DOC2A: variants seen among roughly 807,000 people sequenced by gnomAD.
The protein encoded by DOC2A is double C2 domain alpha.
DOC2A carries 28 observed loss-of-function variants against 40.6 expected under a neutral mutation model. The observed-to-expected ratio is 0.69, with a 90% CI of 0.51 to 0.95. The LOEUF is 0.95. DOC2A is among the 40% of genes least tolerant of loss of function. The pLI, the probability that DOC2A is intolerant of heterozygous loss-of-function variation, is 0.00. For missense variants in DOC2A, 474 were observed against 552.5 expected, an observed-to-expected ratio of 0.86 and a Z score of 1.42; for synonymous variants, 241 against 236.9, an observed-to-expected ratio of 1.02 and a Z score of -0.16.
Position 30,006,552 on chromosome 16 carries a change from GCCC to G in DOC2A, c.960+41_960+43del. Reference sequence around the variant, plus strand: ...CACCCGTTCGTGAGCCAGCTCCCCAGCCCCTCCCTGGCCTCCCTCCATGTCCCG... The same window carrying G: ...CACCCGTTCGTGAGCCAGCTCCCCAGCTCCCTGGCCTCCCTCCATGTCCCG... On this transcript the variant is annotated intron_variant, in intron 9 of 10. Coordinates refer to ENST00000350119, the MANE Select transcript of DOC2A (RefSeq NM_003586.3). The surrounding 1 kb of genome is among the most constrained non-coding windows in gnomAD (Gnocchi z 6.2). The G allele has an allele frequency of 6.2e-7, 1 of 1,613,202 alleles. No homozygotes were observed. The highest frequency in any genetic ancestry group is 8.5e-7 in the Non-Finnish European group (1 of 1,179,344).
upstream of DOC2A, among the ~76,000 whole-genome samples, chr16:30,015,723 C>T (rs2070847874): frequency 8.4e-6 from 1 of 118,650 alleles, no homozygotes; most frequent in Non-Finnish European, 1.7e-5. Flanking sequence ...TTTTTTGAGA[C>T]AGGGTCTCAC....
In DOC2A at chr16:30,006,767, G is replaced by A. The variant is rs1323196548; in HGVS notation, c.878+18C>T. The A allele has an allele frequency of 4.3e-6, 7 of 1,613,706 alleles. No individual in the cohort carries two copies. Among genetic ancestry groups the A allele is most frequent in the Non-Finnish European group, 5.1e-6 (6 of 1,179,996 alleles). On this transcript the variant is annotated intron_variant, in intron 8 of 10. Transcript: ENST00000350119. The surrounding 1 kb of genome is among the most constrained non-coding windows in gnomAD (Gnocchi z 6.2). ...GGGCAGGCTCCCTGGGGAGGAGAGG[G>A]TCAGAGCAAGGGCTCACGTCTTGAC...
chr16:30,006,655 T>C lies in DOC2A; in HGVS notation c.901A>G (p.Lys301Glu). 6.2e-7 allele frequency: 1 copy of C among 1,613,668 alleles called. No homozygotes were observed. Among genetic ancestry groups the C allele is most frequent in the Non-Finnish European group, 8.5e-7 (1 of 1,179,906 alleles). Residue 301 changes from lysine (K) to glutamate (E), a missense_variant, in exon 9 of 11, where the codon AAG becomes GAG. Coordinates refer to ENST00000350119, the MANE Select transcript of DOC2A (RefSeq NM_003586.3). This position sits in a 1 kb window ranked among gnomAD's most constrained non-coding sequence, Gnocchi z 6.2. Reference sequence around the variant, plus strand: ...ACACACGTCTTATGCTTGGATTTCTTGTCCACATCGGGCCTCAGGTACCTG... The same window carrying C: ...ACACACGTCTTATGCTTGGATTTCTCGTCCACATCGGGCCTCAGGTACCTG... ...VKTYLRPDVD[K>E]KSKHKTCVKK...
In DOC2A at chr16:30,006,171, G is replaced by A. The variant is rs533480498; in HGVS notation, c.*15C>T. 2 of 1,570,010 alleles carry A rather than the reference G, an allele frequency of 1.3e-6. No individual in the cohort carries two copies. The highest frequency in any genetic ancestry group is 1.7e-6 in the Non-Finnish European group (2 of 1,158,414). On this transcript the variant is annotated 3_prime_UTR_variant, in exon 11 of 11. Coordinates refer to ENST00000350119, the MANE Select transcript of DOC2A (RefSeq NM_003586.3). This position sits in a 1 kb window ranked among gnomAD's most constrained non-coding sequence, Gnocchi z 6.2. Reference sequence around the variant, plus strand: ...ACCCGGCTCGATGGGCCTGTGCCGGGACACTGCTGTCCACTCAGGCTGAGG... The same window carrying A: ...ACCCGGCTCGATGGGCCTGTGCCGGAACACTGCTGTCCACTCAGGCTGAGG...
rs773115854 is a variant in DOC2A at position 30,005,978 on chromosome 16, G to C, written c.*208C>G. On this transcript the variant is annotated 3_prime_UTR_variant, in exon 11 of 11. Transcript: ENST00000350119. ...TGATGGGGGGTTTGCATATTTGCAG[G>C]GACTAGCGAGTCAGGCAGGAGGTTT... 1 of 628,762 alleles carries C rather than the reference G, an allele frequency of 1.6e-6. No individual in the cohort carries two copies. Among genetic ancestry groups the C allele is most frequent in the Non-Finnish European group, 2.7e-6 (1 of 365,794 alleles). 38.9% of individuals were successfully genotyped at this position (628,762 alleles called of 1,614,324 possible).
rs371119761 is a variant in DOC2A, at chr16:30,010,883, G to A, written c.-14+20C>T. 4 of 1,012,742 alleles carry A rather than the reference G, an allele frequency of 3.9e-6. No homozygotes were observed. The African/African-American group carries it at 7.0e-5, about 18-fold the overall frequency. 62.7% of individuals were successfully genotyped at this position (1,012,742 alleles called of 1,614,324 possible). ...CCCCGCACCCTCACGCCCCCGGCCTGCCCAGCCCCCTGCACCTGCCTCTGC... is the reference window on the plus strand; with the variant it reads ...CCCCGCACCCTCACGCCCCCGGCCTACCCAGCCCCCTGCACCTGCCTCTGC... On this transcript the variant is annotated intron_variant, in intron 1 of 10. Transcript: ENST00000350119. This position sits in a 1 kb window ranked among gnomAD's most constrained non-coding sequence, Gnocchi z 4.2.
rs2070556481 is a variant in DOC2A at position 30,005,701 on chromosome 16, G to T, written c.*485C>A. On this transcript the variant is annotated 3_prime_UTR_variant, in exon 11 of 11. Coordinates refer to ENST00000350119, the MANE Select transcript of DOC2A (RefSeq NM_003586.3). ...GCATCTGCCACCTGCTGGGGAGGCA[G>T]AGACCCTGCAATGGCCACCTCTTTA... 5.5e-6 allele frequency: 3 copies of T among 545,502 alleles called. No homozygotes were observed. The highest frequency in any genetic ancestry group is 9.6e-6 in the Non-Finnish European group (3 of 312,386). 33.8% of individuals were successfully genotyped at this position (545,502 alleles called of 1,614,324 possible).
At chr16:30,020,794 C>T (rs2070900260) in intron 1 of DOC2A, among the ~76,000 whole-genome samples, 1 of 152,064 alleles carries the variant, frequency 6.6e-6, no homozygotes, top group South Asian at 2.1e-4. Context: ...TTGCAGTGAG[C>T]CAAGATCGTG....
chr16:30,007,017 A>G lies in DOC2A; in HGVS notation c.714+14T>C. 3 of 1,613,658 alleles carry G rather than the reference A, an allele frequency of 1.9e-6. No homozygotes were observed. Among genetic ancestry groups the G allele is most frequent in the South Asian group, 1.1e-5 (1 of 91,062 alleles). On this transcript the variant is annotated intron_variant, in intron 7 of 10. Coordinates refer to ENST00000350119, the MANE Select transcript of DOC2A (RefSeq NM_003586.3). ...CCCACCCACATGCATCCCCATCCCCATGAGGTGCCTCACCTCCTTCAGATA... is the reference window on the plus strand; with the variant it reads ...CCCACCCACATGCATCCCCATCCCCGTGAGGTGCCTCACCTCCTTCAGATA...
chr16:30,007,292 C>T lies in DOC2A; in HGVS notation c.535G>A (p.Val179Ile), dbSNP rs367572265. The part of the protein sequence containing the change: ...DITHKVLRIA[V>I]CDEDKLSHNE... The stretch of plus-strand genomic sequence containing the variant: ...TGACTCAGCTTGTCCTCATCACAGA[C>T]GGCGATCCTGGTCGGGAACTGCAGT... The change falls in exon 6 of 11, where the codon GTC (valine) becomes ATC (isoleucine). Residue 179 changes from valine to isoleucine, a missense_variant. Physicochemically the swap from Val to Ile is conservative, Grantham distance 29. Coordinates refer to ENST00000350119, the MANE Select transcript of DOC2A (RefSeq NM_003586.3). The T allele has an allele frequency of 3.7e-5, 59 of 1,613,744 alleles. No individual in the cohort carries two copies. The highest frequency in any genetic ancestry group is 1.6e-4 in the Middle Eastern group (1 of 6,084).
At chr16:30,017,527 GAATT>G (rs753171384) in intron 1 of DOC2A, among the ~76,000 whole-genome samples, 58 of 152,228 alleles carry the variant, frequency 3.8e-4, no homozygotes, top group Non-Finnish European at 5.3e-4. Flanking sequence ...TATCCTAACT[GAATT>G]AATGCGGAAA....
In DOC2A at chr16:30,010,310, C is replaced by T. The variant is rs765968828; in HGVS notation, c.-13-75G>A. The T allele has an allele frequency of 1.9e-5, 30 of 1,586,012 alleles. No homozygotes were observed. The African/African-American group carries it at 2.0e-4, about 11-fold the overall frequency. On this transcript the variant is annotated intron_variant, in intron 1 of 10. Coordinates refer to ENST00000350119, the MANE Select transcript of DOC2A (RefSeq NM_003586.3). This position sits in a 1 kb window ranked among gnomAD's most constrained non-coding sequence, Gnocchi z 4.2. ...GCTGAGGGCCAGGCGACGGCCTCCT[C>T]GGTCTGTGGGGCCCTCACTGGCCTC...
At chr16:30,014,106 A>G (rs1567287167), upstream of DOC2A, among the ~76,000 whole-genome samples, 1 of 151,454 alleles carries the variant, frequency 6.6e-6, no homozygotes, top group Non-Finnish European at 1.5e-5. Context: ...ATCAGTCATG[A>G]TGTAATTCCA....
rs2070696906 is a variant in DOC2A, at chr16:30,008,933, C to G, written c.527+63G>C. The G allele has an allele frequency of 8.9e-6, 10 of 1,125,490 alleles. No homozygotes were observed. The Admixed American group carries it at 1.7e-4, about 19-fold the overall frequency. The allele number at this position is 1,125,490 out of a possible 1,614,324, so 69.7% of individuals were successfully genotyped here. On this transcript the variant is annotated intron_variant, in intron 5 of 10. Coordinates refer to ENST00000350119, the MANE Select transcript of DOC2A (RefSeq NM_003586.3). ...GCTTAATGGGACATAGATCAACCAA[C>G]CAGCGGTTACAATGTCAGCTGTCCC... is the stretch of plus-strand genomic sequence containing the variant.
At position 30,005,557 on chromosome 16, in the gene DOC2A, C is replaced by A; in HGVS notation, c.*629G>T. ...TGATGCCCAGCTGCCATGCTCCGGC[C>A]ACTGACACAACCAGAAAAGGCGTAA... On this transcript the variant is annotated 3_prime_UTR_variant, in exon 11 of 11. Coordinates refer to ENST00000350119, the MANE Select transcript of DOC2A (RefSeq NM_003586.3). 9.8e-7 allele frequency: 1 copy of A among 1,024,314 alleles called. No individual in the cohort carries two copies. Among genetic ancestry groups the A allele is most frequent in the Non-Finnish European group, 1.5e-6 (1 of 688,628 alleles). 63.5% of individuals were successfully genotyped at this position (1,024,314 alleles called of 1,614,324 possible).
rs1158093735 is a variant in DOC2A, at chr16:30,005,671, C to T, written c.*515G>A. ...GGGGACAGTTATTTAAACGAGTGGC[C>T]GGGAGCATCTGCCACCTGCTGGGGA... On this transcript the variant is annotated 3_prime_UTR_variant, in exon 11 of 11. Coordinates refer to ENST00000350119, the MANE Select transcript of DOC2A (RefSeq NM_003586.3). 2.0e-5 allele frequency: 11 copies of T among 558,340 alleles called. 1 individual carries two copies. Among genetic ancestry groups the T allele is most frequent in the South Asian group, 7.1e-5 (3 of 42,250 alleles). The allele number at this position is 558,340 out of a possible 1,614,324, so 34.6% of individuals were successfully genotyped here. A position where few individuals can be genotyped will look rare whatever the true frequency, so the allele number is the denominator to read the frequency against.
At chr16:30,016,137 G>A (rs2070855626), upstream of DOC2A, among the ~76,000 whole-genome samples, 2 of 136,582 alleles carry the variant, frequency 1.5e-5, no homozygotes, top group African/African-American at 5.7e-5. Context: ...TTGGCTCACT[G>A]CAACCTCCAC....
upstream of DOC2A, chr16:30,012,336 C>T (rs1235263789): frequency 6.6e-6 from 1 of 152,174 alleles, no homozygotes; most frequent in East Asian, 1.9e-4. Flanking sequence ...CAGTGCCTCC[C>T]CCACCAGCAG....
upstream of DOC2A, chr16:30,012,472 T>C (rs1195019547): frequency 2.0e-5 from 3 of 152,210 alleles, no homozygotes; most frequent in East Asian, 5.8e-4. Flanking sequence ...CAACTGAACA[T>C]ACCTAACACC....
Sources: allele counts gnomAD v4.1 joint callset (sites outside exome capture counted in the v4.1 genomes callset), GRCh38; gene constraint gnomAD v4.1.1; non-coding constraint Gnocchi (gnomAD v3.1); transcripts MANE v1.5; gene names NCBI Gene and HGNC (gene_info 2026-07-23, HGNC 2026-07-21).